The following CUL9 variants were observed in gnomAD, a reference collection of about 807,000 sequenced individuals.
CUL9 encodes the protein cullin-9.
A neutral mutation model predicts 272.6 loss-of-function variants in CUL9; 79 were observed. That is an observed-to-expected ratio of 0.29 (90% CI 0.24 to 0.35). The LOEUF is 0.35. Among genes scored for constraint, CUL9 ranks in the 10% least tolerant of loss-of-function variants. The pLI, the probability that CUL9 is intolerant of heterozygous loss-of-function variation, is 1.00. For missense variants in CUL9, 2,532 were observed against 3,255.6 expected (o/e 0.78, Z 5.41); for synonymous variants, 1,186 against 1,286.5 (o/e 0.92, Z 1.67).
At chr6:43,186,762 A>G (rs570963119) in intron 4 of CUL9, among the ~76,000 whole-genome samples, 198 bp from the exon 5 acceptor site, 2 of 152,250 alleles carry the variant, frequency 1.3e-5, no homozygotes, top group African/African-American at 2.4e-5. Flanking sequence ...ATCATGGTTA[A>G]GAAAAGAGGC....
rs1400823555 is a variant in CUL9, at chr6:43,210,687, T to TAA, written c.5213-2462_5213-2461insAA. ...TTTTGTTCAACCTGACAATCTCTTT[T>TAA]TAAGATGTCAATTTTAGCCTATTTA... On this transcript the variant is annotated intron_variant, in intron 26 of 40. Coordinates refer to ENST00000252050, the MANE Select transcript of CUL9 (RefSeq NM_015089.4). Among the ~76,000 whole-genome samples the TAA allele has an allele frequency of 3.1e-4, 47 of 152,308 alleles. No homozygotes were observed. In the East Asian group the frequency reaches 8.3e-3, roughly 27 times the overall value.
Position 43,206,100 on chromosome 6 carries a change from C to T in CUL9, c.4887C>T (p.Leu1629=), listed in dbSNP as rs1316369946. ...EQIGLCFPNR[L]PQLMLQSLST... The stretch of plus-strand genomic sequence containing the variant: ...TTGGCCTCTGTTTTCCCAACCGCCT[C>T]CCACAGCTGATGCTGCAGAGCCTGA... Residue 1629 remains leucine (L), a synonymous_variant, in exon 25 of 41, where the codon CTC becomes CTT. Coordinates refer to ENST00000252050, the MANE Select transcript of CUL9 (RefSeq NM_015089.4). This position sits in a 1 kb window ranked among gnomAD's most constrained non-coding sequence, Gnocchi z 4.8. 2 of 1,614,164 alleles carry T rather than the reference C, an allele frequency of 1.2e-6. No homozygotes were observed. Among genetic ancestry groups the T allele is most frequent in the Non-Finnish European group, 1.7e-6 (2 of 1,180,040 alleles).
chr6:43,202,397 A>T (rs1001656825), intron 16 of CUL9, among the ~76,000 whole-genome samples: 1 of 152,194 alleles, frequency 6.6e-6, no homozygotes, highest in Non-Finnish European at 1.5e-5. Context: ...GGTTTAAATT[A>T]AGTCACTTTG....
Position 43,196,160 on chromosome 6 carries a change from T to C in CUL9, c.2480T>C (p.Met827Thr). 1 of 1,614,212 alleles carries C rather than the reference T, an allele frequency of 6.2e-7. No homozygotes were observed. Among genetic ancestry groups the C allele is most frequent in the Non-Finnish European group, 8.5e-7 (1 of 1,180,036 alleles). Reference sequence around the variant, plus strand: ...ATCCACTCTTTGTTTGATGCTCAGATGACCAGAGAGATCTTCGCCAGCATC... The same window carrying C: ...ATCCACTCTTTGTTTGATGCTCAGACGACCAGAGAGATCTTCGCCAGCATC... ...DSIHSLFDAQMTREIFASIDS... is the reference protein window; with the variant it reads ...DSIHSLFDAQTTREIFASIDS... The change falls in exon 10 of 41, where the codon ATG (methionine) becomes ACG (threonine). Residue 827 changes from methionine (M) to threonine (T), a missense_variant. Coordinates refer to ENST00000252050, the MANE Select transcript of CUL9 (RefSeq NM_015089.4).
chr6:43,192,103 C>T (rs1011795306), intron 8 of CUL9, among the ~76,000 whole-genome samples: 14 of 142,706 alleles, frequency 9.8e-5, no homozygotes, highest in Non-Finnish European at 1.8e-4. Flanking sequence ...ACTCTGTCAG[C>T]CAGGCTGGAG....
chr6:43,186,565 G>A, intron 4 of CUL9, 110 bp downstream of exon 4: 1 of 1,423,458 alleles, frequency 7.0e-7, no homozygotes, highest in East Asian at 2.4e-5. Flanking sequence ...ACCCCCCTGG[G>A]GAATTGGAAT....
In CUL9 at chr6:43,202,698, T is replaced by G. The variant is rs1321003726; in HGVS notation, c.3648-18T>G. On this transcript the variant is annotated intron_variant, in intron 16 of 40. Coordinates refer to ENST00000252050, the MANE Select transcript of CUL9 (RefSeq NM_015089.4). ...GTCCAGAGGCCCAGCTTTGACTGTT[T>G]CCTTTCTTCTTTCCCAGGCAGCTCA... 3 of 1,611,408 alleles carry G rather than the reference T, an allele frequency of 1.9e-6. No individual in the cohort carries two copies. The Admixed American group carries it at 5.0e-5, about 27-fold the overall frequency.
At chr6:43,217,578 C>T (rs770217046) in intron 31 of CUL9, among the ~76,000 whole-genome samples, 4 of 152,216 alleles carry the variant, frequency 2.6e-5, no homozygotes, top group Non-Finnish European at 4.4e-5. Flanking sequence ...ATTCCAGCTG[C>T]TTCTGCCAAC....
At chr6:43,209,404 CT>C (rs754294361) in intron 26 of CUL9, among the ~76,000 whole-genome samples, 56 of 152,248 alleles carry the variant, frequency 3.7e-4, no homozygotes, top group Admixed American at 1.7e-3. Context: ...CTGCCTCAGC[CT>C]CCTGAAGTGC....
chr6:43,210,276 G>A lies in CUL9; in HGVS notation c.5213-2873G>A, dbSNP rs187435514. 6.5e-3 allele frequency among the ~76,000 whole-genome samples: 994 copies of A among 152,244 alleles called. 7 individuals are homozygous for A. The highest frequency in any genetic ancestry group is 0.011 in the Non-Finnish European group (781 of 68,010). On this transcript the variant is annotated intron_variant, in intron 26 of 40. Transcript: ENST00000252050. ...CAGGCGTGAGCCACCATGCCTGGCC[G>A]ACATTTTTAAAATGGTTCCTTGTTT...
Position 43,200,278 on chromosome 6 carries a change from G to A in CUL9, c.3384+122G>A, listed in dbSNP as rs1582354553. On this transcript the variant is annotated intron_variant, in intron 14 of 40. Transcript: ENST00000252050. The surrounding 1 kb of genome is among the most constrained non-coding windows in gnomAD (Gnocchi z 4.0). ...AGGTTGTAGCAAATCTGGGGCACTT[G>A]TTTCCTAACCTTGACTCCACATGGT... The A allele has an allele frequency of 6.8e-7, 1 of 1,465,018 alleles. No individual in the cohort carries two copies. Among genetic ancestry groups the A allele is most frequent in the Non-Finnish European group, 9.4e-7 (1 of 1,069,480 alleles). 90.8% of individuals were successfully genotyped at this position (1,465,018 alleles called of 1,614,324 possible). A position where few individuals can be genotyped will look rare whatever the true frequency, so the allele number is the denominator to read the frequency against.
rs553000576 is a variant in CUL9, at chr6:43,223,033, C to T, written c.7150+137C>T. 1.1e-6 allele frequency: 1 copy of T among 902,250 alleles called. No individual in the cohort carries two copies. Among genetic ancestry groups the T allele is most frequent in the African/African-American group, 1.7e-5 (1 of 60,114 alleles). The allele number at this position is 902,250 out of a possible 1,614,324, so 55.9% of individuals were successfully genotyped here. A position where few individuals can be genotyped will look rare whatever the true frequency, so the allele number is the denominator to read the frequency against. On this transcript the variant is annotated intron_variant, in intron 38 of 40. Coordinates refer to ENST00000252050, the MANE Select transcript of CUL9 (RefSeq NM_015089.4). This position sits in a 1 kb window ranked among gnomAD's most constrained non-coding sequence, Gnocchi z 4.1. ...CTCTTCATTCTTCATGGCCTTCTCA[C>T]TGCCTGGCTGTTAAAGCTCAGGTCG... is the stretch of plus-strand genomic sequence containing the variant.
chr6:43,188,753 C>T, intron 8 of CUL9, 38 bp downstream of exon 8: 1 of 1,513,178 alleles, frequency 6.6e-7, no homozygotes, highest in Non-Finnish European at 8.9e-7. Flanking sequence ...TTGGTTGAAG[C>T]TGTAGGCAAA....
chr6:43,183,193 C>G (rs1772575942), intron 1 of CUL9, among the ~76,000 whole-genome samples: 1 of 152,128 alleles, frequency 6.6e-6, no homozygotes, highest in Non-Finnish European at 1.5e-5. Flanking sequence ...TCTCTCCTGA[C>G]CTCATTTCCT....
chr6:43,185,512 A>T lies in CUL9; in HGVS notation c.652A>T (p.Met218Leu). 6.2e-7 allele frequency: 1 copy of T among 1,614,066 alleles called. No homozygotes were observed. Among genetic ancestry groups the T allele is most frequent in the Non-Finnish European group, 8.5e-7 (1 of 1,180,036 alleles). Residue 218 changes from methionine (M) to leucine (L), a missense_variant, in exon 3 of 41, where the codon ATG (methionine) becomes TTG (leucine). By Grantham distance (15) the Met-to-Leu change is conservative. Around this residue, in one of 3 missense-constraint regions of CUL9, gnomAD observed 2,218 missense variants for 2,788.6 expected, o/e 0.80. Transcript: ENST00000252050. ...CCAGCAAGATGGCATCGAGCAGCAC[A>T]TGGATTTTGACAGTCGCTATACATT... The part of the protein sequence containing the change: ...LSQQDGIEQH[M>L]DFDSRYTLLE...
intron 31 of CUL9, among the ~76,000 whole-genome samples, chr6:43,216,760 T>C (rs1775974524): frequency 1.3e-5 from 2 of 152,204 alleles, no homozygotes; most frequent in Admixed American, 6.5e-5. Flanking sequence ...TTATAATCAC[T>C]GGAAGCTTTT....
At position 43,184,676 on chromosome 6, in the gene CUL9, G is replaced by A. The variant is rs1772749149; in HGVS notation, c.366G>A (p.Leu122=). ...MGEMEADVQA[L]VRRAARQLAE... is the part of the protein sequence containing the mutation. ...AGATGGAGGCTGATGTTCAGGCGCT[G>A]GTACGCAGGGCGGCCAGGCAGCTGG... The change falls in exon 2 of 41, where the codon CTG becomes CTA. Residue 122 remains leucine (L), a synonymous_variant. Transcript: ENST00000252050. This position sits in a 1 kb window ranked among gnomAD's most constrained non-coding sequence, Gnocchi z 4.8. The A allele has an allele frequency of 6.2e-7, 1 of 1,612,412 alleles. No homozygotes were observed. The highest frequency in any genetic ancestry group is 2.2e-5 in the East Asian group (1 of 44,830).
rs893214813 is a variant in CUL9 at position 43,223,543 on chromosome 6, G to A, written c.7284+146G>A. Reference sequence around the variant, plus strand: ...GATGTTAGACCTGGGCGCACATCCCGGCTTTTGGGCCAACCTGCCTGATGC... The same window carrying A: ...GATGTTAGACCTGGGCGCACATCCCAGCTTTTGGGCCAACCTGCCTGATGC... On this transcript the variant is annotated intron_variant, in intron 39 of 40. Coordinates refer to ENST00000252050, the MANE Select transcript of CUL9 (RefSeq NM_015089.4). The surrounding 1 kb of genome is among the most constrained non-coding windows in gnomAD (Gnocchi z 4.1). 5.1e-5 allele frequency: 57 copies of A among 1,121,326 alleles called. No individual in the cohort carries two copies. The highest frequency in any genetic ancestry group is 2.1e-4 in the South Asian group (13 of 61,062). The allele number at this position is 1,121,326 out of a possible 1,614,324, so 69.5% of individuals were successfully genotyped here.
rs1776238250 is a variant in CUL9, at chr6:43,220,225, G to A, written c.6283-234G>A. 6.6e-6 allele frequency among the ~76,000 whole-genome samples: 1 copy of A among 152,090 alleles called. No homozygotes were observed. The highest frequency in any genetic ancestry group is 2.4e-5 in the African/African-American group (1 of 41,394). ...CCTTGTCCATCCCAACAGTAATTAT[G>A]ATTAGGCAAATACACAGCCCACCCC... On this transcript the variant is annotated intron_variant, in intron 31 of 40. Coordinates refer to ENST00000252050, the MANE Select transcript of CUL9 (RefSeq NM_015089.4). The surrounding 1 kb of genome is among the most constrained non-coding windows in gnomAD (Gnocchi z 4.9).
Sources: allele counts gnomAD v4.1 joint callset (sites outside exome capture counted in the v4.1 genomes callset), GRCh38; gene constraint gnomAD v4.1.1; regional missense constraint gnomAD v4.1.1; non-coding constraint Gnocchi (gnomAD v3.1); transcripts MANE v1.5; gene names NCBI Gene and HGNC (gene_info 2026-07-23, HGNC 2026-07-21).